TCP11L2: variants seen among roughly 807,000 people sequenced by gnomAD.
TCP11L2 encodes t-complex 11 like 2, also known as T-complex protein 11-like protein 2.
In TCP11L2, 39 loss-of-function variants were observed where a neutral mutation model predicts 50.7. That is an observed-to-expected ratio of 0.77 (90% confidence interval 0.60 to 1.01). The LOEUF (loss-of-function observed/expected upper bound fraction) is 1.01, where lower values mean the gene tolerates loss of function less well. TCP11L2 is among the 50% of genes least tolerant of loss of function. TCP11L2 has a pLI of 0.00. For missense variants in TCP11L2, 612 were observed against 614.7 expected (o/e 1.00, Z 0.05); for synonymous variants, 192 against 219.3 (o/e 0.88, Z 1.10).
At chr12:106,341,208 C>A (rs1217690346) in intron 9 of TCP11L2, among the ~76,000 whole-genome samples, 1 of 152,144 alleles carries the variant, frequency 6.6e-6, no homozygotes, top group Non-Finnish European at 1.5e-5. Flanking sequence ...GTTTCAGGGC[C>A]TATTATCTAT....
chr12:106,316,236 A>G (rs752108411), intron 3 of TCP11L2, among the ~76,000 whole-genome samples: 12 of 124,790 alleles, frequency 9.6e-5, no homozygotes, highest in Middle Eastern at 4.4e-3. Context: ...TTAGCCCCCA[A>G]CAGTTCATCT....
intron 9 of TCP11L2, among the ~76,000 whole-genome samples, chr12:106,344,750 AAGCCCTTGGAGC>A (rs1173840136): frequency 6.6e-6 from 1 of 152,328 alleles, no homozygotes; most frequent in East Asian, 1.9e-4. Flanking sequence ...AAGCCAGAGA[AAGCCCTTGGAGC>A]AGCCTGAGCT....
chr12:106,339,668 G>C (rs1430999697), intron 8 of TCP11L2, among the ~76,000 whole-genome samples: 1 of 152,148 alleles, frequency 6.6e-6, no homozygotes, highest in African/African-American at 2.4e-5. Context: ...AAGGAGTCCA[G>C]TATCAATTTT....
rs753271990 is a variant in TCP11L2, at chr12:106,323,589, C to T, written c.715C>T (p.Arg239Cys). ...TATGAGTCTCAGACCGCACCTTCAA[C>T]GCCAGTTGGTGGAATATGAGAGAAC... Reference protein sequence around the residue: ...TIMSLRPHLQRQLVEYERTKF... With the variant: ...TIMSLRPHLQCQLVEYERTKF... Residue 239 changes from arginine (R) to cysteine (C), a missense_variant, in exon 6 of 10, where the codon CGC (arginine) becomes TGC (cysteine). By Grantham distance (180) the Arg-to-Cys change is radical. Coordinates refer to ENST00000299045, the MANE Select transcript of TCP11L2 (RefSeq NM_152772.3). The T allele has an allele frequency of 2.2e-5, 36 of 1,606,008 alleles. No homozygotes were observed. Among genetic ancestry groups the T allele is most frequent in the East Asian group, 1.3e-4 (6 of 44,468 alleles).
Position 106,326,580 on chromosome 12 carries a change from A to G in TCP11L2, c.772+2934A>G, listed in dbSNP as rs74515115. 9.0e-3 allele frequency among the ~76,000 whole-genome samples: 1,374 copies of G among 152,326 alleles called. 10 individuals carry two copies. Among genetic ancestry groups the G allele is most frequent in the Non-Finnish European group, 0.016 (1,060 of 68,032 alleles). ...CTGTACCACTTTAGTAGTCTATGCA[A>G]GCATCACACTAGCCCTATGAGGTTG... On this transcript the variant is annotated intron_variant, in intron 6 of 9. Coordinates refer to ENST00000299045, the MANE Select transcript of TCP11L2 (RefSeq NM_152772.3).
chr12:106,333,968 G>C (rs537748104), intron 6 of TCP11L2, among the ~76,000 whole-genome samples: 1 of 152,300 alleles, frequency 6.6e-6, no homozygotes, highest in African/African-American at 2.4e-5. Context: ...GCCTTATGGG[G>C]TATGGGCGGA....
chr12:106,316,269 A>G (rs1005198426), intron 3 of TCP11L2, among the ~76,000 whole-genome samples: 28 of 152,284 alleles, frequency 1.8e-4, no homozygotes, highest in African/African-American at 6.0e-4. Flanking sequence ...AGCCTTAATG[A>G]TGTTTTTAAA....
At chr12:106,310,259 C>T (rs1780297220) in intron 1 of TCP11L2, among the ~76,000 whole-genome samples, 1 of 152,160 alleles carries the variant, frequency 6.6e-6, no homozygotes, top group South Asian at 2.1e-4. Context: ...GTCTGTTCCC[C>T]CACTTGTGAG....
intron 2 of TCP11L2, 108 bp from the exon 3 acceptor site, chr12:106,314,250 C>T (rs2034978004): frequency 1.7e-6 from 2 of 1,188,872 alleles, no homozygotes; most frequent in South Asian, 1.6e-5. Context: ...ACCTATAAAA[C>T]TCTGAAGTAT....
At chr12:106,303,265 C>T in intron 1 of TCP11L2, 1 of 152,926 alleles carries the variant, frequency 6.5e-6, no homozygotes, top group Non-Finnish European at 1.5e-5. Flanking sequence ...GTACCAGCGG[C>T]ATCCCGCCAT....
At chr12:106,303,087 G>C (rs1186627546) in intron 1 of TCP11L2, 146 bp downstream of exon 1, 1 of 152,292 alleles carries the variant, frequency 6.6e-6, no homozygotes, top group East Asian at 1.9e-4. Flanking sequence ...CATCAAGCTC[G>C]GCTCCTAGTT....
rs994601702 is a variant in TCP11L2, at chr12:106,302,852, A to T, written c.-125A>T. ...GTTGGGCTGGTGAGTTTTCGAGGTG[A>T]CTGTGCTGTGCTCGGTGAGGGGACG... is the stretch of plus-strand genomic sequence containing the variant. On this transcript the variant is annotated 5_prime_UTR_variant, in exon 1 of 10. Transcript: ENST00000299045. 1 of 152,718 alleles carries T rather than the reference A, an allele frequency of 6.5e-6. No individual in the cohort carries two copies. Among genetic ancestry groups the T allele is most frequent in the African/African-American group, 2.4e-5 (1 of 41,320 alleles). 9.5% of individuals were successfully genotyped at this position (152,718 alleles called of 1,614,324 possible).
At chr12:106,298,553 G>A (rs775016950), upstream of TCP11L2, among the ~76,000 whole-genome samples, 1 of 151,884 alleles carries the variant, frequency 6.6e-6, no homozygotes. Flanking sequence ...ACAAAGTCTC[G>A]CTCTGTTGCC....
intron 9 of TCP11L2, among the ~76,000 whole-genome samples, chr12:106,341,682 C>T (rs1565862553): frequency 6.6e-6 from 1 of 152,382 alleles, no homozygotes; most frequent in South Asian, 2.1e-4. Context: ...CAGCTCTCAA[C>T]ACTACCTTCT....
chr12:106,336,613 C>T (rs972059590), intron 8 of TCP11L2, among the ~76,000 whole-genome samples: 6 of 140,442 alleles, frequency 4.3e-5, no homozygotes, highest in South Asian at 4.5e-4. Flanking sequence ...AGTGCAGTGG[C>T]GCAATCTCAG....
At chr12:106,329,370 C>T in intron 6 of TCP11L2, 1 of 1,536,066 alleles carries the variant, frequency 6.5e-7, no homozygotes, top group South Asian at 1.2e-5. Context: ...GCTGACCTTG[C>T]TTTTGGAACC....
At chr12:106,329,660 A>G (rs1265739403) in intron 6 of TCP11L2, 15 of 1,226,506 alleles carry the variant, frequency 1.2e-5, no homozygotes, top group East Asian at 7.3e-5. Context: ...GAGAACCACT[A>G]TGCCACACTG....
At chr12:106,339,843 G>T (rs979292856) in intron 8 of TCP11L2, among the ~76,000 whole-genome samples, 1 of 152,356 alleles carries the variant, frequency 6.6e-6, no homozygotes, top group Non-Finnish European at 1.5e-5. Context: ...TCCAGTGTGG[G>T]CTTATAACAA....
intron 8 of TCP11L2, among the ~76,000 whole-genome samples, chr12:106,337,922 A>C (rs970392291): frequency 1.3e-5 from 2 of 152,168 alleles, no homozygotes; most frequent in Non-Finnish European, 2.9e-5. Flanking sequence ...CTGTGTTAGG[A>C]AATCAATACA....
Sources: gnomAD v4.1 joint callset for allele counts (sites outside exome capture counted in the v4.1 genomes callset) on GRCh38, gnomAD v4.1.1 for gene constraint, MANE v1.5 for transcripts, NCBI Gene and HGNC (gene_info 2026-07-23, HGNC 2026-07-21) for gene names.